The following SEPTIN9 variants were observed in gnomAD, a reference collection of about 807,000 sequenced individuals.
SEPTIN9 encodes septin 9.
SEPTIN9 carries 13 observed loss-of-function variants against 56.6 expected under a neutral mutation model. The observed-to-expected ratio is 0.23, with a 90% CI of 0.15 to 0.37. SEPTIN9 has a LOEUF of 0.37. Ranked by LOEUF, SEPTIN9 falls within the 10% of genes least tolerant of loss-of-function variation. The pLI is 1.00. For missense variants in SEPTIN9, 650 were observed against 823.1 expected, an observed-to-expected ratio of 0.79 and a Z score of 2.57; for synonymous variants, 332 against 334.1, an observed-to-expected ratio of 0.99 and a Z score of 0.07.
At chr17:77,490,904 G>C in intron 8 of SEPTIN9, 45 bp downstream of exon 8, 3 of 1,441,290 alleles carry the variant, frequency 2.1e-6, no homozygotes, top group South Asian at 1.2e-5. Context: ...GTGCAACCTG[G>C]AGACGCTGCA....
Position 77,435,974 on chromosome 17 carries a change from G to A in SEPTIN9, c.721+33271G>A, listed in dbSNP as rs975185136. 6.6e-6 allele frequency among the ~76,000 whole-genome samples: 1 copy of A among 152,210 alleles called. No homozygotes were observed. The highest frequency in any genetic ancestry group is 1.5e-5 in the Non-Finnish European group (1 of 68,046). ...TGAGGCAGGGCTAGAGCATGGAGAC[G>A]TTGCTGGAGGACCAAGGGAGAACTG... On this transcript the variant is annotated intron_variant, in intron 3 of 11. Coordinates refer to ENST00000427177, the MANE Select transcript of SEPTIN9 (RefSeq NM_001113491.2). The surrounding 1 kb of genome is among the most constrained non-coding windows in gnomAD (Gnocchi z 4.5).
At chr17:77,417,681 C>T (rs557655429) in intron 3 of SEPTIN9, among the ~76,000 whole-genome samples, 25 of 152,302 alleles carry the variant, frequency 1.6e-4, no homozygotes, top group East Asian at 3.9e-4. Context: ...AAGTTCAATA[C>T]GCAGGAGCCA....
chr17:77,488,798 G>T lies in SEPTIN9; in HGVS notation c.1196G>T (p.Arg399Leu). 6.2e-7 allele frequency: 1 copy of T among 1,613,810 alleles called. No individual in the cohort carries two copies. Among genetic ancestry groups the T allele is most frequent in the Non-Finnish European group, 8.5e-7 (1 of 1,179,910 alleles). Residue 399 changes from arginine (R) to leucine (L), a missense_variant, in exon 7 of 12, where the codon CGC becomes CTC. Physicochemically the swap from Arg to Leu is moderately radical, Grantham distance 102. Coordinates refer to ENST00000427177, the MANE Select transcript of SEPTIN9 (RefSeq NM_001113491.2). ...CTGCAGGAGGAGGTCAACATCAACC[G>T]CAAGAAGCGCATCCCGGACACCCGC... ...KYLQEEVNINRKKRIPDTRVH... is the reference protein window; with the variant it reads ...KYLQEEVNINLKKRIPDTRVH...
chr17:77,373,754 G>A, intron 2 of SEPTIN9: 1 of 1,068,674 alleles, frequency 9.4e-7, no homozygotes, highest in Non-Finnish European at 1.2e-6. Context: ...GACCCTGTTA[G>A]GGGCACCCGC....
At chr17:77,397,271 C>T (rs1029714635) in intron 2 of SEPTIN9, among the ~76,000 whole-genome samples, 6 of 152,150 alleles carry the variant, frequency 3.9e-5, no homozygotes, top group Admixed American at 1.3e-4. Flanking sequence ...TTGGCCCAGG[C>T]GCTCCTTGGC....
In SEPTIN9 at chr17:77,492,949, G is replaced by A. The variant is rs374831318; in HGVS notation, c.1477-31G>A. On this transcript the variant is annotated intron_variant, in intron 9 of 11. Coordinates refer to ENST00000427177, the MANE Select transcript of SEPTIN9 (RefSeq NM_001113491.2). The surrounding 1 kb of genome is among the most constrained non-coding windows in gnomAD (Gnocchi z 5.4). Reference sequence around the variant, plus strand: ...GGGAGGGAATTGCCTTCCCGCACATGTGTAACCAATACCGTCTGCCCGTTC... The same window carrying A: ...GGGAGGGAATTGCCTTCCCGCACATATGTAACCAATACCGTCTGCCCGTTC... 63 of 1,547,844 alleles carry A rather than the reference G, an allele frequency of 4.1e-5. No homozygotes were observed. Among genetic ancestry groups the A allele is most frequent in the Non-Finnish European group, 5.4e-5 (62 of 1,142,142 alleles).
At chr17:77,415,385 T>A (rs940392293) in intron 3 of SEPTIN9, among the ~76,000 whole-genome samples, 1 of 152,138 alleles carries the variant, frequency 6.6e-6, no homozygotes, top group African/African-American at 2.4e-5. Context: ...GGCAGGCAGA[T>A]CACCTGAGGT....
intron 11 of SEPTIN9, 117 bp downstream of exon 11, chr17:77,497,483 C>A: frequency 2.4e-6 from 2 of 847,834 alleles, no homozygotes; most frequent in Non-Finnish European, 3.9e-6. Context: ...CCCCCTGCCA[C>A]CTGCCTGCCC....
In SEPTIN9 at chr17:77,429,409, G is replaced by A. The variant is rs999216243; in HGVS notation, c.721+26706G>A. On this transcript the variant is annotated intron_variant, in intron 3 of 11. Transcript: ENST00000427177. This position sits in a 1 kb window ranked among gnomAD's most constrained non-coding sequence, Gnocchi z 5.2. ...CATCACCGTCCGCCTGGGCTACAGC[G>A]TGCTCGCCGATTGCATTTGGGGAGG... The A allele has an allele frequency of 3.0e-5, 12 of 404,814 alleles. No individual in the cohort carries two copies. The highest frequency in any genetic ancestry group is 1.7e-4 in the African/African-American group (8 of 48,372). The allele number at this position is 404,814 out of a possible 1,614,324, so 25.1% of individuals were successfully genotyped here. A position where few individuals can be genotyped will look rare whatever the true frequency, so the allele number is the denominator to read the frequency against.
intron 2 of SEPTIN9, among the ~76,000 whole-genome samples, chr17:77,393,891 G>A (rs941763297): frequency 1.3e-5 from 2 of 152,066 alleles, no homozygotes; most frequent in African/African-American, 2.4e-5. Flanking sequence ...TGGCCTCAGG[G>A]GCACCTTATT....
chr17:77,390,229 C>A (rs2035484928), intron 2 of SEPTIN9, among the ~76,000 whole-genome samples: 1 of 151,350 alleles, frequency 6.6e-6, no homozygotes, highest in Non-Finnish European at 1.5e-5. Flanking sequence ...CGCCCGTAGT[C>A]CCAGCTACTC....
rs1166680129 is a variant in SEPTIN9 at position 77,317,888 on chromosome 17, T to G, written c.76+10691T>G. Reference sequence around the variant, plus strand: ...CAATATGGTGAAACCCCGTTTCTACTAAAAATACAAAAATTAGCCGGACAC... The same window carrying G: ...CAATATGGTGAAACCCCGTTTCTACGAAAAATACAAAAATTAGCCGGACAC... On this transcript the variant is annotated intron_variant, in intron 2 of 11. Coordinates refer to ENST00000427177, the MANE Select transcript of SEPTIN9 (RefSeq NM_001113491.2). The surrounding 1 kb of genome is among the most constrained non-coding windows in gnomAD (Gnocchi z 4.2). 6.6e-6 allele frequency among the ~76,000 whole-genome samples: 1 copy of G among 151,906 alleles called. No homozygotes were observed. The highest frequency in any genetic ancestry group is 1.5e-5 in the Non-Finnish European group (1 of 67,984).
chr17:77,368,350 C>T (rs1408825264), intron 2 of SEPTIN9, among the ~76,000 whole-genome samples: 5 of 148,030 alleles, frequency 3.4e-5, no homozygotes, highest in South Asian at 4.3e-4. Flanking sequence ...CTCGCTCTGT[C>T]GCCCAGGCTG....
chr17:77,436,331 C>T lies in SEPTIN9; in HGVS notation c.721+33628C>T, dbSNP rs563516213. On this transcript the variant is annotated intron_variant, in intron 3 of 11. Coordinates refer to ENST00000427177, the MANE Select transcript of SEPTIN9 (RefSeq NM_001113491.2). This position sits in a 1 kb window ranked among gnomAD's most constrained non-coding sequence, Gnocchi z 4.4. Reference sequence around the variant, plus strand: ...AGCCACCCTGCATGTTTCATTCCACCGACTTCTGCAGCCCAGCTGTTCAGA... The same window carrying T: ...AGCCACCCTGCATGTTTCATTCCACTGACTTCTGCAGCCCAGCTGTTCAGA... Among the ~76,000 whole-genome samples, 13 of 152,318 alleles carry T rather than the reference C, an allele frequency of 8.5e-5. 1 individual carries two copies. The South Asian group carries it at 1.7e-3, about 19-fold the overall frequency.
intron 2 of SEPTIN9, 80 bp downstream of exon 2, chr17:77,307,277 C>G (rs1439614127): frequency 2.3e-6 from 3 of 1,309,524 alleles, no homozygotes; most frequent in African/African-American, 2.9e-5. Flanking sequence ...GGTCTGGGAC[C>G]TGCCTCCCCA....
chr17:77,304,286 C>T (rs977624076), intron 1 of SEPTIN9, among the ~76,000 whole-genome samples: 8 of 152,156 alleles, frequency 5.3e-5, no homozygotes, highest in Admixed American at 1.3e-4. Flanking sequence ...GTTTGCTTTG[C>T]GTCTTCTCTG....
chr17:77,365,757 G>C (rs1287422809), intron 2 of SEPTIN9, among the ~76,000 whole-genome samples: 1 of 152,200 alleles, frequency 6.6e-6, no homozygotes, highest in East Asian at 1.9e-4. Flanking sequence ...CAGAGGCATT[G>C]TTAGAACATG....
rs1356619022 is a variant in SEPTIN9 at position 77,371,848 on chromosome 17, G to A, written c.77-30211G>A. ...TAGTTCAAAATATCCAAAGCATGAG[G>A]GAGGGAGTGCCTGCTTTTCTTAAAA... On this transcript the variant is annotated intron_variant, in intron 2 of 11. Transcript: ENST00000427177. The surrounding 1 kb of genome is among the most constrained non-coding windows in gnomAD (Gnocchi z 4.1). Among the ~76,000 whole-genome samples, 1 of 152,204 alleles carries A rather than the reference G, an allele frequency of 6.6e-6. No individual in the cohort carries two copies. The highest frequency in any genetic ancestry group is 1.5e-5 in the Non-Finnish European group (1 of 68,036).
chr17:77,302,042 G>A (rs767049942), intron 1 of SEPTIN9, among the ~76,000 whole-genome samples: 7 of 152,182 alleles, frequency 4.6e-5, no homozygotes, highest in Non-Finnish European at 7.4e-5. Context: ...TTGAGAAGGC[G>A]GGTGTGGTGG....
Sources: gnomAD v4.1 joint callset for allele counts (sites outside exome capture counted in the v4.1 genomes callset) on GRCh38, gnomAD v4.1.1 for gene constraint, Gnocchi (gnomAD v3.1) non-coding constraint, MANE v1.5 for transcripts, NCBI Gene and HGNC (gene_info 2026-07-23, HGNC 2026-07-21) for gene names.